The following CPNE4 variants were observed in gnomAD, a reference collection of about 807,000 sequenced individuals.
The protein encoded by CPNE4 is copine 4, also known as copine-4.
A neutral mutation model predicts 67.9 loss-of-function variants in CPNE4; 25 were observed. That is an observed-to-expected ratio of 0.37 (90% CI 0.27 to 0.51). The LOEUF is 0.51. CPNE4 is among the 20% of genes least tolerant of loss of function. The pLI is 0.93. For missense variants in CPNE4, 464 were observed against 690.8 expected, an observed-to-expected ratio of 0.67 and a Z score of 3.68; for synonymous variants, 242 against 244.9, an observed-to-expected ratio of 0.99 and a Z score of 0.11.
At chr3:131,963,149 G>A (rs567587715) in intron 1 of CPNE4, among the ~76,000 whole-genome samples, 2 of 152,048 alleles carry the variant, frequency 1.3e-5, no homozygotes, top group African/African-American at 2.4e-5. Context: ...AGTGCAAGGA[G>A]CTGGGGGAGC....
chr3:131,997,788 G>A (rs1486088724), intron 1 of CPNE4, among the ~76,000 whole-genome samples: 8 of 152,130 alleles, frequency 5.3e-5, no homozygotes, highest in African/African-American at 1.9e-4. Flanking sequence ...AAAGCGGCCA[G>A]ATTTGGCAGG....
chr3:131,882,578 A>G (rs906594099), intron 2 of CPNE4, among the ~76,000 whole-genome samples: 2 of 151,156 alleles, frequency 1.3e-5, no homozygotes, highest in African/African-American at 4.8e-5. Context: ...TTAAATATAT[A>G]AATGATAATA....
intron 7 of CPNE4, among the ~76,000 whole-genome samples, chr3:131,662,769 T>A (rs1191022496): frequency 6.6e-6 from 1 of 152,136 alleles, no homozygotes; most frequent in Non-Finnish European, 1.5e-5. Flanking sequence ...TGAGATACCA[T>A]CTCACACCAG....
chr3:132,022,395 A>G (rs2074017828), intron 1 of CPNE4, among the ~76,000 whole-genome samples: 1 of 152,224 alleles, frequency 6.6e-6, no homozygotes, highest in African/African-American at 2.4e-5. Flanking sequence ...TTAAAGAATA[A>G]GAAACTCAGG....
chr3:131,630,804 T>C (rs1316567816), intron 7 of CPNE4, among the ~76,000 whole-genome samples: 1 of 152,142 alleles, frequency 6.6e-6, no homozygotes, highest in Non-Finnish European at 1.5e-5. Context: ...AGAATATGAA[T>C]AAAATGTGTG....
At chr3:131,754,910 C>T (rs547653890) in intron 2 of CPNE4, among the ~76,000 whole-genome samples, 11 of 152,212 alleles carry the variant, frequency 7.2e-5, no homozygotes, top group African/African-American at 2.2e-4. Context: ...AGTTACTCTA[C>T]TATATTCTTT....
chr3:131,861,967 G>A (rs1435123828), intron 2 of CPNE4, among the ~76,000 whole-genome samples: 2 of 152,138 alleles, frequency 1.3e-5, no homozygotes, highest in East Asian at 3.9e-4. Context: ...AGCGAAGTGA[G>A]GACACCAATA....
At chr3:131,891,002 A>C (rs1009686677) in intron 2 of CPNE4, among the ~76,000 whole-genome samples, 3 of 152,124 alleles carry the variant, frequency 2.0e-5, no homozygotes, top group Non-Finnish European at 2.9e-5. Context: ...ATTCCCAGAG[A>C]TGTGCTGTAC....
intron 2 of CPNE4, among the ~76,000 whole-genome samples, chr3:131,770,611 C>T (rs1224262664): frequency 1.3e-5 from 2 of 152,208 alleles, no homozygotes; most frequent in African/African-American, 4.8e-5. Context: ...TTCTAGAGGC[C>T]AGAGTGAAGG....
chr3:131,861,393 A>C (rs1337805306), intron 2 of CPNE4, among the ~76,000 whole-genome samples: 5 of 146,666 alleles, frequency 3.4e-5, no homozygotes, highest in African/African-American at 1.3e-4. Flanking sequence ...AGTTTAGAAT[A>C]TCTCATCTTT....
chr3:131,675,599 A>G (rs993630190), intron 6 of CPNE4, among the ~76,000 whole-genome samples: 18 of 151,836 alleles, frequency 1.2e-4, no homozygotes, highest in African/African-American at 4.1e-4. Flanking sequence ...CTTGAAATCT[A>G]TTTTGTCTGA....
chr3:131,742,079 G>T (rs1405587093), intron 2 of CPNE4, among the ~76,000 whole-genome samples: 1 of 152,108 alleles, frequency 6.6e-6, no homozygotes, highest in African/African-American at 2.4e-5. Flanking sequence ...AAGTTGACTG[G>T]GCTACAAAGT....
At chr3:131,764,956 A>G (rs2082973499) in intron 2 of CPNE4, among the ~76,000 whole-genome samples, 1 of 152,088 alleles carries the variant, frequency 6.6e-6, no homozygotes, top group Non-Finnish European at 1.5e-5. Flanking sequence ...AAAAGTGTAG[A>G]ATAGATCTAA....
chr3:131,880,087 C>A (rs1265041339), intron 2 of CPNE4, among the ~76,000 whole-genome samples: 1 of 151,744 alleles, frequency 6.6e-6, no homozygotes, highest in Admixed American at 6.6e-5. Flanking sequence ...TCTCATATCT[C>A]ATGACAAAGA....
At chr3:132,024,661 T>C (rs2074078811) in intron 1 of CPNE4, among the ~76,000 whole-genome samples, 1 of 152,220 alleles carries the variant, frequency 6.6e-6, no homozygotes, top group Non-Finnish European at 1.5e-5. Context: ...GGATTATGTC[T>C]GTTTCGTTCA....
intron 14 of CPNE4, among the ~76,000 whole-genome samples, chr3:131,544,398 T>G (rs1935698416): frequency 6.6e-6 from 1 of 152,194 alleles, no homozygotes; most frequent in Admixed American, 6.5e-5. Context: ...GTAGGTGAAC[T>G]TCACACTGTG....
At chr3:131,774,805 A>G (rs2083255695) in intron 2 of CPNE4, among the ~76,000 whole-genome samples, 2 of 152,164 alleles carry the variant, frequency 1.3e-5, no homozygotes, top group African/African-American at 2.4e-5. Flanking sequence ...TATTGTTCTT[A>G]AAATGCTTCT....
intron 8 of CPNE4, among the ~76,000 whole-genome samples, chr3:131,585,231 T>A (rs747179839): frequency 4.6e-5 from 7 of 152,202 alleles, no homozygotes; most frequent in Non-Finnish European, 8.8e-5. Flanking sequence ...ATTTTAACTT[T>A]TTAAATTTGT....
chr3:131,857,950 C>T (rs918072594), intron 2 of CPNE4, among the ~76,000 whole-genome samples: 4 of 152,048 alleles, frequency 2.6e-5, no homozygotes, highest in African/African-American at 9.7e-5. Context: ...TATTACCACA[C>T]AGGTGCTGGG....
Sources: allele counts gnomAD v4.1 joint callset (sites outside exome capture counted in the v4.1 genomes callset), GRCh38; gene constraint gnomAD v4.1.1; transcripts MANE v1.5; gene names NCBI Gene and HGNC (gene_info 2026-07-23, HGNC 2026-07-21).